Variants in ADORA2B observed in about 807,000 individuals in gnomAD.
ADORA2B encodes adenosine A2b receptor.
A neutral mutation model predicts 20.8 loss-of-function variants in ADORA2B; 18 were observed. The ratio of observed to expected loss-of-function variants is 0.87; its 90% CI spans 0.60 to 1.29. The LOEUF (loss-of-function observed/expected upper bound fraction) is 1.29, where lower values mean the gene tolerates loss of function less well. Ranked by LOEUF, ADORA2B falls within the 50% of genes most tolerant of loss-of-function variation. ADORA2B has a pLI of 0.00. For missense variants in ADORA2B, 441 were observed against 422.7 expected (o/e 1.04, Z -0.38); for synonymous variants, 179 against 178.3 (o/e 1.00, Z -0.03).
chr17:15,933,569 G>T, the ADORA2B span, among the ~76,000 whole-genome samples: 2 of 145,436 alleles, frequency 1.4e-5, no homozygotes, highest in Non-Finnish European at 3.0e-5. Context: ...TGTAAATGAA[G>T]TTGTTTTCTT....
the ADORA2B span, among the ~76,000 whole-genome samples, chr17:15,897,815 T>C: frequency 6.6e-6 from 1 of 152,190 alleles, no homozygotes; most frequent in African/African-American, 2.4e-5. Context: ...AAAGTACTTC[T>C]CTTTCACTAT....
intron 1 of ADORA2B, among the ~76,000 whole-genome samples, chr17:15,972,097 A>T (rs1215882042): frequency 6.6e-6 from 1 of 152,202 alleles, no homozygotes; most frequent in Non-Finnish European, 1.5e-5. Context: ...GTTATGGGGC[A>T]GGAGAATGGG....
At chr17:15,862,876 G>A in the ADORA2B span, among the ~76,000 whole-genome samples, 1 of 149,954 alleles carries the variant, frequency 6.7e-6, no homozygotes, top group African/African-American at 2.5e-5. Context: ...GTTCTCCTGC[G>A]TCAGCCTCCT....
chr17:15,853,446 T>C, the ADORA2B span, among the ~76,000 whole-genome samples: 2 of 152,252 alleles, frequency 1.3e-5, no homozygotes, highest in African/African-American at 2.4e-5. Flanking sequence ...AGAAAAGGTA[T>C]AAATTAGCTA....
chr17:15,860,347 C>T, the ADORA2B span, among the ~76,000 whole-genome samples: 23 of 152,198 alleles, frequency 1.5e-4, no homozygotes, highest in African/African-American at 5.1e-4. Context: ...TTTATTGAAC[C>T]GGGCCCTGTG....
At chr17:15,942,626 A>T (rs1969754477), upstream of ADORA2B, among the ~76,000 whole-genome samples, 1 of 152,152 alleles carries the variant, frequency 6.6e-6, no homozygotes, top group Admixed American at 6.6e-5. Flanking sequence ...CAGGCCCAGC[A>T]GCTGCAGGGC....
intron 1 of ADORA2B, among the ~76,000 whole-genome samples, chr17:15,954,904 T>A (rs1252164058): frequency 6.6e-6 from 1 of 152,252 alleles, no homozygotes; most frequent in Non-Finnish European, 1.5e-5. Context: ...TGATTCTTAC[T>A]TGTAACTTGT....
At chr17:15,851,618 C>T in the ADORA2B span, among the ~76,000 whole-genome samples, 31,890 of 152,146 alleles carry the variant, frequency 0.21, 3,928 homozygotes, top group Non-Finnish European at 0.28. Context: ...TCCACGTCCT[C>T]TGAGAAGGGG....
At chr17:15,851,465 G>T in the ADORA2B span, among the ~76,000 whole-genome samples, 1 of 151,706 alleles carries the variant, frequency 6.6e-6, no homozygotes, top group South Asian at 2.1e-4. Flanking sequence ...AGCACACCAT[G>T]CTCTGTGCCT....
At chr17:15,966,750 C>T (rs949530408) in intron 1 of ADORA2B, among the ~76,000 whole-genome samples, 8 of 152,220 alleles carry the variant, frequency 5.3e-5, no homozygotes, top group Non-Finnish European at 1.2e-4. Flanking sequence ...CCCAGAACTC[C>T]CCTGTTGTGT....
chr17:15,915,975 A>G, the ADORA2B span, among the ~76,000 whole-genome samples: 1,506 of 152,254 alleles, frequency 9.9e-3, 23 homozygotes, highest in African/African-American at 0.034. Context: ...GAAGAATCAG[A>G]TTGGCCTGCG....
chr17:15,852,065 C>T, the ADORA2B span, among the ~76,000 whole-genome samples: 1 of 152,032 alleles, frequency 6.6e-6, no homozygotes, highest in East Asian at 1.9e-4. Flanking sequence ...CATACTTTGC[C>T]TGTATTTATT....
At chr17:15,862,211 CTTTTTTTT>C in the ADORA2B span, among the ~76,000 whole-genome samples, 2 of 96,290 alleles carry the variant, frequency 2.1e-5, no homozygotes, top group African/African-American at 5.5e-5. Flanking sequence ...CTTTTCTTTT[CTTTTTTTT>C]TTTTTTTTTT....
At chr17:15,918,117 C>T in the ADORA2B span, among the ~76,000 whole-genome samples, 2 of 152,192 alleles carry the variant, frequency 1.3e-5, no homozygotes, top group African/African-American at 4.8e-5. Flanking sequence ...GGCCTTCTTC[C>T]CGGTTGCCCA....
chr17:15,911,202 A>C, the ADORA2B span, among the ~76,000 whole-genome samples: 1 of 152,212 alleles, frequency 6.6e-6, no homozygotes, highest in South Asian at 2.1e-4. Context: ...GCACCGTCAG[A>C]ACCAATTCAA....
Position 15,965,733 on chromosome 17 carries a change from C to T in ADORA2B, c.336-8946C>T, listed in dbSNP as rs181491443. On this transcript the variant is annotated intron_variant, in intron 1 of 1. Transcript: ENST00000304222. ...TCCTGGGAACAAGAAAAAAACAGTGCCTGCAGCTGGCACTCCCGTAGAAAG... is the reference window on the plus strand; with the variant it reads ...TCCTGGGAACAAGAAAAAAACAGTGTCTGCAGCTGGCACTCCCGTAGAAAG... 2.1e-3 allele frequency among the ~76,000 whole-genome samples: 315 copies of T among 152,364 alleles called. 2 individuals carry two copies. Among genetic ancestry groups the T allele is most frequent in the Non-Finnish European group, 1.5e-3 (104 of 68,036 alleles).
chr17:15,900,148 C>G, the ADORA2B span, among the ~76,000 whole-genome samples: 1 of 152,062 alleles, frequency 6.6e-6, no homozygotes, highest in Non-Finnish European at 1.5e-5. Flanking sequence ...TTTCTTTATC[C>G]GGTCCACCAC....
the ADORA2B span, among the ~76,000 whole-genome samples, chr17:15,869,332 TAA>T: frequency 1.3e-5 from 2 of 149,474 alleles, no homozygotes; most frequent in African/African-American, 4.9e-5. Context: ...ATAATAATAA[TAA>T]TAATAATTAT....
At chr17:15,933,774 G>GTA in the ADORA2B span, among the ~76,000 whole-genome samples, 105 of 139,784 alleles carry the variant, frequency 7.5e-4, no homozygotes, top group African/African-American at 1.8e-3. Context: ...ATATGTGTGT[G>GTA]TATATATATA....
Sources: allele counts gnomAD v4.1 joint callset (sites outside exome capture counted in the v4.1 genomes callset), GRCh38; gene constraint gnomAD v4.1.1; transcripts MANE v1.5; gene names NCBI Gene and HGNC (gene_info 2026-07-23, HGNC 2026-07-21).